Variants in HAO1 observed in about 807,000 individuals in gnomAD.
The protein encoded by HAO1 is 2-Hydroxyacid oxidase 1.
HAO1 carries 34 observed loss-of-function variants against 39.7 expected under a neutral mutation model. The observed-to-expected ratio is 0.86, with a 90% CI of 0.65 to 1.14. The LOEUF is 1.14. Ranked by LOEUF, HAO1 falls within the 50% of genes most tolerant of loss-of-function variation. The probability of loss-of-function intolerance (pLI) is 0.00; values close to 1 mark genes in which losing one functional copy is unlikely to be tolerated. For synonymous variants in HAO1, 172 were observed against 173.2 expected, an observed-to-expected ratio of 0.99 and a Z score of 0.05; for missense variants, 479 against 464.5, an observed-to-expected ratio of 1.03 and a Z score of -0.29.
intron 1 of HAO1, among the ~76,000 whole-genome samples, chr20:7,936,558 GCGC>G: frequency 6.8e-6 from 1 of 147,686 alleles, no homozygotes; most frequent in Non-Finnish European, 1.5e-5. Flanking sequence ...TCGCGCGCGC[GCGC>G]GCGCGTGCGT....
In HAO1 at chr20:7,940,456, G is replaced by GTT; in HGVS notation, c.-36_-35dup. 1 of 1,535,788 alleles carries GTT rather than the reference G, an allele frequency of 6.5e-7. No individual in the cohort carries two copies. The highest frequency in any genetic ancestry group is 8.7e-7 in the Non-Finnish European group (1 of 1,147,744). On this transcript the variant is annotated 5_prime_UTR_variant, in exon 1 of 8. Transcript: ENST00000378789. ...GTTATTGCTATCCCAGATGGAGTTC[G>GTT]TTGTTTTTTTTTTTTTAATGTATTG...
chr20:7,888,275 G>T (rs558821030), intron 5 of HAO1, among the ~76,000 whole-genome samples: 2 of 152,180 alleles, frequency 1.3e-5, no homozygotes, highest in East Asian at 1.9e-4. Flanking sequence ...GATCTGACTC[G>T]CAAAGAGAAT....
intron 2 of HAO1, among the ~76,000 whole-genome samples, chr20:7,915,833 T>C (rs572230673): frequency 1.4e-4 from 21 of 152,332 alleles, no homozygotes; most frequent in Non-Finnish European, 2.4e-4. Context: ...TTCTACTTAT[T>C]GGTAGATGAA....
intron 3 of HAO1, among the ~76,000 whole-genome samples, chr20:7,911,152 G>A (rs996858826): frequency 6.6e-6 from 1 of 152,214 alleles, no homozygotes; most frequent in Non-Finnish European, 1.5e-5. Context: ...GCTACGCAGT[G>A]AGGCAGAGGT....
chr20:7,902,546 G>A (rs564465021), intron 4 of HAO1, among the ~76,000 whole-genome samples: 2 of 152,178 alleles, frequency 1.3e-5, no homozygotes, highest in Non-Finnish European at 1.5e-5. Context: ...ACTTTCATAT[G>A]CACTGGGAAG....
chr20:7,917,959 A>G (rs138190156), intron 2 of HAO1, among the ~76,000 whole-genome samples: 1 of 152,318 alleles, frequency 6.6e-6, no homozygotes, highest in African/African-American at 2.4e-5. Context: ...GGTCCATACC[A>G]TCTATTTCTT....
intron 7 of HAO1, among the ~76,000 whole-genome samples, chr20:7,883,967 C>T (rs2050139498): frequency 6.6e-6 from 1 of 152,156 alleles, no homozygotes; most frequent in African/African-American, 2.4e-5. Flanking sequence ...AGTGAGGATT[C>T]ACAGAATGGC....
intron 4 of HAO1, among the ~76,000 whole-genome samples, chr20:7,895,986 C>T (rs1469983924): frequency 1.3e-5 from 2 of 151,938 alleles, no homozygotes; most frequent in African/African-American, 4.8e-5. Context: ...GCAGGAGAAT[C>T]GTTTGAACCT....
At chr20:7,907,029 A>G (rs182453289) in intron 3 of HAO1, among the ~76,000 whole-genome samples, 8 of 152,174 alleles carry the variant, frequency 5.3e-5, no homozygotes, top group Non-Finnish European at 1.0e-4. Context: ...ACAGGTGTTA[A>G]CATGACTGTC....
At chr20:7,936,539 TG>T (rs1337588401) in intron 1 of HAO1, among the ~76,000 whole-genome samples, 59 of 148,728 alleles carry the variant, frequency 4.0e-4, no homozygotes, top group African/African-American at 1.5e-4. Context: ...TGTGTGTGTG[TG>T]TGTGTGTTCG....
chr20:7,927,525 G>C (rs189917099), intron 2 of HAO1, among the ~76,000 whole-genome samples: 2 of 151,962 alleles, frequency 1.3e-5, no homozygotes, highest in African/African-American at 4.8e-5. Flanking sequence ...TTTTTTATTC[G>C]TAACACAGTG....
chr20:7,934,504 C>T lies in HAO1; in HGVS notation c.269G>A (p.Gly90Asp), dbSNP rs1301688647. 2.5e-6 allele frequency: 4 copies of T among 1,611,448 alleles called. No individual in the cohort carries two copies. The highest frequency in any genetic ancestry group is 2.5e-6 in the Non-Finnish European group (3 of 1,179,116). ...TAMQRMAHVD[G>D]ELATVRACQS... Reference sequence around the variant, plus strand: ...CCTACCTCTCACAGTGGCAAGCTCGCCGTCCACATGAGCCATGCGCTGCAT... The same window carrying T: ...CCTACCTCTCACAGTGGCAAGCTCGTCGTCCACATGAGCCATGCGCTGCAT... Residue 90 changes from glycine to aspartate, a missense_variant, in exon 2 of 8, where the codon GGC becomes GAC. Coordinates refer to ENST00000378789, the MANE Select transcript of HAO1 (RefSeq NM_017545.3).
chr20:7,910,072 T>C (rs943327890), intron 3 of HAO1, among the ~76,000 whole-genome samples: 1 of 152,252 alleles, frequency 6.6e-6, no homozygotes, highest in African/African-American at 2.4e-5. Context: ...TAGTATATTT[T>C]ATCGATTGAG....
rs749171756 is a variant in HAO1, at chr20:7,909,360, CATATAT to C, written c.546-3037_546-3032del. 2.8e-5 allele frequency among the ~76,000 whole-genome samples: 3 copies of C among 109,090 alleles called. 1 individual carries two copies. Among genetic ancestry groups the C allele is most frequent in the African/African-American group, 9.0e-5 (2 of 22,142 alleles). The allele number at this position is 109,090 out of a possible 152,430, so 71.6% of individuals were successfully genotyped here. A position where few individuals can be genotyped will look rare whatever the true frequency, so the allele number is the denominator to read the frequency against. On this transcript the variant is annotated intron_variant, in intron 3 of 7. Coordinates refer to ENST00000378789, the MANE Select transcript of HAO1 (RefSeq NM_017545.3). ...AATGCTATTTTTATTCGGATTATGA[CATATAT>C]ATATATATATATGTATATATATATA...
intron 2 of HAO1, among the ~76,000 whole-genome samples, chr20:7,924,920 A>G (rs1038831582): frequency 6.6e-6 from 1 of 152,144 alleles, no homozygotes; most frequent in Non-Finnish European, 1.5e-5. Context: ...TCATTACGTA[A>G]TGGGGAAAAT....
In HAO1 at chr20:7,931,980, A is replaced by G. The variant is rs13039013; in HGVS notation, c.289+2504T>C. Among the ~76,000 whole-genome samples, 1,173 of 152,330 alleles carry G rather than the reference A, an allele frequency of 7.7e-3. 15 individuals are homozygous for G. The highest frequency in any genetic ancestry group is 0.048 in the South Asian group (233 of 4,826). ...GGTTAGGCTTTGTTTCTCCATCCAA[A>G]TCTCATCTTGAATTATAATCCCAGG... On this transcript the variant is annotated intron_variant, in intron 2 of 7. Transcript: ENST00000378789.
At chr20:7,894,309 G>T (rs577639273) in intron 5 of HAO1, among the ~76,000 whole-genome samples, 1 of 152,010 alleles carries the variant, frequency 6.6e-6, no homozygotes, top group Admixed American at 6.6e-5. Flanking sequence ...ATTGCTCTTC[G>T]ATACAGTTGT....
intron 2 of HAO1, 33 bp from the exon 3 acceptor site, chr20:7,914,452 T>C (rs1374330787): frequency 6.2e-7 from 1 of 1,605,862 alleles, no homozygotes; most frequent in Non-Finnish European, 8.5e-7. Flanking sequence ...AAGATGGGCC[T>C]GGCATTGCTT....
chr20:7,892,685 T>A lies in HAO1; in HGVS notation c.813+2448A>T, dbSNP rs183031188. The stretch of plus-strand genomic sequence containing the variant: ...TGAAGGGTTCCGATAAAAGGGAAAA[T>A]ATTTATATAAGAATCCAGTTCTGAG... On this transcript the variant is annotated intron_variant, in intron 5 of 7. Transcript: ENST00000378789. Among the ~76,000 whole-genome samples, 4 of 152,010 alleles carry A rather than the reference T, an allele frequency of 2.6e-5. No individual in the cohort carries two copies. In the South Asian group the frequency reaches 8.3e-4, roughly 31 times the overall value.
Sources: gnomAD v4.1 joint callset for allele counts (sites outside exome capture counted in the v4.1 genomes callset) on GRCh38, gnomAD v4.1.1 for gene constraint, MANE v1.5 for transcripts, NCBI Gene and HGNC (gene_info 2026-07-23, HGNC 2026-07-21) for gene names.